The following ERG variants were observed in gnomAD, a reference collection of about 807,000 sequenced individuals.
ERG encodes ETS transcription factor ERG.
A neutral mutation model predicts 55.3 loss-of-function variants in ERG; 9 were observed. The observed-to-expected ratio is 0.16, with a 90% CI of 0.10 to 0.28. The LOEUF (loss-of-function observed/expected upper bound fraction) is 0.28. Among genes scored for constraint, ERG ranks in the 10% least tolerant of loss-of-function variants. The probability of loss-of-function intolerance (pLI) is 1.00; values close to 1 mark genes in which losing one functional copy is unlikely to be tolerated. For missense variants in ERG, 434 were observed against 631.6 expected, an observed-to-expected ratio of 0.69 and a Z score of 3.35; for synonymous variants, 223 against 237.3, an observed-to-expected ratio of 0.94 and a Z score of 0.55.
Position 38,598,746 on chromosome 21 carries a change from G to A in ERG, c.-149-13801C>T, listed in dbSNP as rs866226078. ...TGCTGAGTATACAGCTCCCACAGTC[G>A]CAGAGGGGAGCAGGGTGGATGTGTA... On this transcript the variant is annotated intron_variant, in intron 1 of 10. Coordinates refer to the ERG transcript ENST00000398910. Among the ~76,000 whole-genome samples the A allele has an allele frequency of 5.3e-4, 81 of 152,190 alleles. 1 individual carries two copies. Among genetic ancestry groups the A allele is most frequent in the African/African-American group, 1.8e-3 (76 of 41,436 alleles).
At chr21:38,657,733 T>C (rs1468722315) in intron 1 of ERG, among the ~76,000 whole-genome samples, 3 of 152,172 alleles carry the variant, frequency 2.0e-5, no homozygotes, top group Non-Finnish European at 4.4e-5. Context: ...CAATCAATCA[T>C]TGTGAGAGGT....
intron 2 of ERG, among the ~76,000 whole-genome samples, chr21:38,531,635 G>C (rs942159874): frequency 2.0e-5 from 3 of 152,096 alleles, no homozygotes; most frequent in Admixed American, 2.0e-4. Context: ...GTAGAACAGC[G>C]GCAAGCAAAT....
rs569755445 is a variant in ERG, at chr21:38,461,339, C to A, written c.19-15718G>T. On this transcript the variant is annotated intron_variant, in intron 1 of 9. Coordinates refer to ENST00000288319, the MANE Select transcript of ERG (RefSeq NM_182918.4). ...ATCAGTCCCACTGAATTAAGGACCA[C>A]CCTAAGGGCCTCATTTTAATTGGAT... 6.8e-4 allele frequency among the ~76,000 whole-genome samples: 104 copies of A among 152,282 alleles called. 1 individual carries two copies. Among genetic ancestry groups the A allele is most frequent in the Admixed American group, 1.1e-3 (17 of 15,296 alleles).
the ERG span, among the ~76,000 whole-genome samples, chr21:38,371,056 C>A: frequency 6.6e-6 from 1 of 151,982 alleles, no homozygotes; most frequent in South Asian, 2.1e-4. Context: ...CATGATCCAT[C>A]ACTTCATTTG....
chr21:38,495,618 G>A (rs940695542), intron 1 of ERG, among the ~76,000 whole-genome samples: 5 of 152,162 alleles, frequency 3.3e-5, no homozygotes, highest in African/African-American at 7.2e-5. Context: ...TAAAAGGTCC[G>A]GGGAGAGGAC....
chr21:38,535,267 G>T (rs542735567), intron 2 of ERG, among the ~76,000 whole-genome samples: 1 of 152,248 alleles, frequency 6.6e-6, no homozygotes, highest in South Asian at 2.1e-4. Context: ...TTGCCAAAAG[G>T]TGGGAGCATG....
At chr21:38,405,808 A>C (rs910770452) in intron 3 of ERG, among the ~76,000 whole-genome samples, 1 of 152,108 alleles carries the variant, frequency 6.6e-6, no homozygotes, top group Non-Finnish European at 1.5e-5. Flanking sequence ...CAACTTGACC[A>C]GCTAGCATTG....
chr21:38,424,187 GCTCTCTCT>G (rs1227355474), intron 2 of ERG, among the ~76,000 whole-genome samples: 25 of 110,158 alleles, frequency 2.3e-4, no homozygotes, highest in Non-Finnish European at 4.7e-4. Context: ...CAGAGCTCGA[GCTCTCTCT>G]CTCTCTCTCT....
chr21:38,391,040 G>C lies in ERG; in HGVS notation c.874C>G (p.Pro292Ala). 2 of 1,612,830 alleles carry C rather than the reference G, an allele frequency of 1.2e-6. No individual in the cohort carries two copies. The highest frequency in any genetic ancestry group is 1.7e-6 in the Non-Finnish European group (2 of 1,179,032). The stretch of plus-strand genomic sequence containing the variant: ...CTTGTTGGTCCAAGAATCTGATAAG[G>C]ATCTACAGCAAAAAGAAACAAAGTC... ...KTEDQRPQLD[P>A]YQILGPTSSR... Residue 292 changes from proline (P) to alanine (A), a missense_variant and splice_region_variant, in exon 9 of 10, where the codon CCT becomes GCT. Pro to Ala is a conservative substitution (Grantham distance 27). Coordinates refer to ENST00000288319, the MANE Select transcript of ERG (RefSeq NM_182918.4).
intron 2 of ERG, among the ~76,000 whole-genome samples, chr21:38,507,366 T>C (rs1310840387): frequency 6.6e-6 from 1 of 152,214 alleles, no homozygotes; most frequent in Non-Finnish European, 1.5e-5. Context: ...ATATTCCTTT[T>C]TCAATCAACC....
chr21:38,423,913 T>C (rs1601377092), intron 2 of ERG, among the ~76,000 whole-genome samples: 1 of 151,834 alleles, frequency 6.6e-6, no homozygotes, highest in African/African-American at 2.4e-5. Context: ...GAGGTGGAGG[T>C]TGCAGTGAGC....
intron 2 of ERG, among the ~76,000 whole-genome samples, chr21:38,543,535 GTGAACATCAT>G (rs1216278093): frequency 6.6e-6 from 1 of 151,988 alleles, no homozygotes; most frequent in Non-Finnish European, 1.5e-5. Flanking sequence ...CATTCATTCA[GTGAACATCAT>G]TGAGCATCCA....
intron 3 of ERG, among the ~76,000 whole-genome samples, chr21:38,413,077 G>A (rs756993933): frequency 1.3e-4 from 20 of 152,170 alleles, no homozygotes; most frequent in Admixed American, 3.9e-4. Context: ...CTTTGTGGAA[G>A]CTCAAGATTT....
chr21:38,469,002 G>GA (rs796522125), intron 1 of ERG, among the ~76,000 whole-genome samples: 33 of 62,102 alleles, frequency 5.3e-4, no homozygotes, highest in South Asian at 1.3e-3. Context: ...AAAAAAAAAA[G>GA]AAAAAAAAAA....
chr21:38,400,895 TC>T (rs1181334935), intron 5 of ERG, among the ~76,000 whole-genome samples: 2 of 152,306 alleles, frequency 1.3e-5, no homozygotes, highest in East Asian at 3.9e-4. Context: ...TTTTATAACT[TC>T]TTGATGAAGC....
intron 1 of ERG, chr21:38,451,267 T>G (rs141504053): frequency 7.9e-4 from 384 of 485,552 alleles, no homozygotes; most frequent in Non-Finnish European, 1.2e-3. Context: ...TCTCTAGGTA[T>G]ACCATGCTCT....
intron 2 of ERG, among the ~76,000 whole-genome samples, chr21:38,441,979 C>T (rs942459391): frequency 6.6e-6 from 1 of 152,228 alleles, no homozygotes; most frequent in African/African-American, 2.4e-5. Flanking sequence ...CGGTATCCAC[C>T]CACCAAAACA....
At chr21:38,545,265 A>C (rs1334267456) in intron 2 of ERG, among the ~76,000 whole-genome samples, 1 of 152,122 alleles carries the variant, frequency 6.6e-6, no homozygotes, top group Non-Finnish European at 1.5e-5. Flanking sequence ...ACGAAGCCAT[A>C]AAATGTAAGT....
upstream of ERG, among the ~76,000 whole-genome samples, chr21:38,587,515 C>A (rs2060073694): frequency 6.6e-6 from 1 of 152,168 alleles, no homozygotes. Context: ...CCCGCCACCA[C>A]ACCCGGCTAA....
Sources: allele counts gnomAD v4.1 joint callset (sites outside exome capture counted in the v4.1 genomes callset), GRCh38; gene constraint gnomAD v4.1.1; transcripts MANE v1.5; gene names NCBI Gene and HGNC (gene_info 2026-07-23, HGNC 2026-07-21).